HEMK2: variants seen among roughly 807,000 people sequenced by gnomAD.
HEMK2 encodes HemK methyltransferase 2, ETF1 glutamine and histone H4 lysine, also known as methyltransferase HEMK2.
chr21:28,854,791 T>C, the HEMK2 span, among the ~76,000 whole-genome samples: 3 of 152,232 alleles, frequency 2.0e-5, no homozygotes, highest in Non-Finnish European at 4.4e-5. Flanking sequence ...CCATCCAGAT[T>C]GGGGTTGGGC....
At chr21:28,798,283 A>G in the HEMK2 span, among the ~76,000 whole-genome samples, 1 of 152,196 alleles carries the variant, frequency 6.6e-6, no homozygotes, top group Non-Finnish European at 1.5e-5. Flanking sequence ...CAATCAAAAG[A>G]TAAACAGAAC....
At chr21:28,700,121 T>C in the HEMK2 span, among the ~76,000 whole-genome samples, 1 of 152,074 alleles carries the variant, frequency 6.6e-6, no homozygotes. Flanking sequence ...GGTGTCCCCA[T>C]CTCTCTTCCT....
At chr21:28,620,617 C>T in the HEMK2 span, among the ~76,000 whole-genome samples, 1 of 134,004 alleles carries the variant, frequency 7.5e-6, no homozygotes, top group African/African-American at 2.8e-5. Flanking sequence ...GTGATATTCC[C>T]TTTATCATTT....
chr21:28,789,328 A>G, the HEMK2 span, among the ~76,000 whole-genome samples: 1 of 152,180 alleles, frequency 6.6e-6, no homozygotes, highest in Non-Finnish European at 1.5e-5. Flanking sequence ...AAATAGCTCA[A>G]TAAACGGCGT....
At chr21:28,815,545 G>A in the HEMK2 span, among the ~76,000 whole-genome samples, 1 of 152,002 alleles carries the variant, frequency 6.6e-6, no homozygotes, top group Middle Eastern at 3.4e-3. Context: ...GTGGTGTCCA[G>A]GTAAAAACTG....
the HEMK2 span, among the ~76,000 whole-genome samples, chr21:28,714,371 A>G: frequency 6.6e-6 from 1 of 152,218 alleles, no homozygotes; most frequent in African/African-American, 2.4e-5. Flanking sequence ...ATGCCCATTG[A>G]GGCCTATTAA....
chr21:28,603,546 T>G, the HEMK2 span, among the ~76,000 whole-genome samples: 347 of 136,384 alleles, frequency 2.5e-3, no homozygotes, highest in African/African-American at 0.01. Flanking sequence ...ACTGAGGATA[T>G]ATATGTGTGT....
the HEMK2 span, among the ~76,000 whole-genome samples, chr21:28,614,063 T>C: frequency 6.6e-6 from 1 of 152,358 alleles, no homozygotes; most frequent in Admixed American, 6.5e-5. Context: ...CAGCAATGCA[T>C]GTCAATTTGA....
the HEMK2 span, among the ~76,000 whole-genome samples, chr21:28,855,747 A>G: frequency 6.6e-6 from 1 of 152,228 alleles, no homozygotes. Flanking sequence ...AAATTAAACA[A>G]TCTGCTTCTG....
the HEMK2 span, among the ~76,000 whole-genome samples, chr21:28,648,942 C>T: frequency 7.3e-6 from 1 of 136,250 alleles, no homozygotes; most frequent in Non-Finnish European, 1.5e-5. Flanking sequence ...CCGCTCCCCC[C>T]ACCCCACAAC....
chr21:28,649,783 G>A, the HEMK2 span, among the ~76,000 whole-genome samples: 1 of 151,854 alleles, frequency 6.6e-6, no homozygotes, highest in Non-Finnish European at 1.5e-5. Flanking sequence ...AAGGTTCAGG[G>A]GCAATAAGAA....
At chr21:28,759,892 C>T in the HEMK2 span, among the ~76,000 whole-genome samples, 27 of 152,126 alleles carry the variant, frequency 1.8e-4, no homozygotes, top group Non-Finnish European at 4.0e-4. Context: ...ATTACCCAGT[C>T]TCGGATATGT....
the HEMK2 span, among the ~76,000 whole-genome samples, chr21:28,595,261 A>G: frequency 3.0e-5 from 4 of 134,044 alleles, no homozygotes; most frequent in East Asian, 9.2e-4. Context: ...ATCAAATACT[A>G]GGGCTTATTC....
the HEMK2 span, among the ~76,000 whole-genome samples, chr21:28,726,986 G>C: frequency 6.6e-6 from 1 of 151,896 alleles, no homozygotes; most frequent in Non-Finnish European, 1.5e-5. Flanking sequence ...AGATCAATTA[G>C]TTTTCTCAAT....
the HEMK2 span, among the ~76,000 whole-genome samples, chr21:28,687,883 T>A: frequency 2.0e-5 from 3 of 152,254 alleles, no homozygotes; most frequent in Admixed American, 1.3e-4. Context: ...TTATTGTAAG[T>A]TCTTGTTAAA....
At chr21:28,660,040 A>C in the HEMK2 span, among the ~76,000 whole-genome samples, 1 of 151,884 alleles carries the variant, frequency 6.6e-6, no homozygotes, top group Admixed American at 6.6e-5. Flanking sequence ...CTTTTAATAG[A>C]CTTATTCCTG....
At chr21:28,626,623 T>A in the HEMK2 span, 13 of 152,282 alleles carry the variant, frequency 8.5e-5, no homozygotes, top group African/African-American at 3.1e-4. Flanking sequence ...GGTGAGAGGA[T>A]CGCTTAAGAC....
chr21:28,576,872 G>A, the HEMK2 span, among the ~76,000 whole-genome samples: 2 of 152,072 alleles, frequency 1.3e-5, no homozygotes, highest in African/African-American at 4.8e-5. Flanking sequence ...CACCATACCT[G>A]GCTAATTTTC....
the HEMK2 span, among the ~76,000 whole-genome samples, chr21:28,707,739 G>A: frequency 3.9e-5 from 6 of 151,998 alleles, no homozygotes; most frequent in East Asian, 5.8e-4. Flanking sequence ...GAGGGTTACC[G>A]AGAATAAGTC....
Sources: allele counts gnomAD v4.1 joint callset (sites outside exome capture counted in the v4.1 genomes callset), GRCh38; gene constraint gnomAD v4.1.1; transcripts MANE v1.5; gene names NCBI Gene and HGNC (gene_info 2026-07-23, HGNC 2026-07-21).